The following SEMA6D variants were observed in gnomAD, a reference collection of about 807,000 sequenced individuals.
The protein encoded by SEMA6D is semaphorin 6D.
Under a neutral mutation model 106.6 loss-of-function variants are expected in SEMA6D, and 35 were observed. The ratio of observed to expected loss-of-function variants is 0.33; its 90% CI spans 0.25 to 0.44. The LOEUF is 0.44. Among genes scored for constraint, SEMA6D ranks in the 20% least tolerant of loss-of-function variants. SEMA6D has a pLI of 1.00. For missense variants in SEMA6D, 1,185 were observed against 1,345.9 expected, an observed-to-expected ratio of 0.88 and a Z score of 1.87; for synonymous variants, 499 against 487.7, an observed-to-expected ratio of 1.02 and a Z score of -0.31.
intron 3 of SEMA6D, among the ~76,000 whole-genome samples, chr15:47,490,095 C>T (rs1356989205): frequency 6.6e-6 from 1 of 152,130 alleles, no homozygotes; most frequent in Non-Finnish European, 1.5e-5. Context: ...ACATTTTTTG[C>T]TGTCTGTGTC....
intron 1 of SEMA6D, among the ~76,000 whole-genome samples, chr15:47,227,542 TTC>T (rs1307756146): frequency 2.4e-5 from 3 of 122,796 alleles, no homozygotes; most frequent in Non-Finnish European, 1.7e-5. Context: ...TTTCTCCTCT[TTC>T]TCTCTCTCTG....
intron 4 of SEMA6D, among the ~76,000 whole-genome samples, chr15:47,655,495 A>G (rs1442252163): frequency 2.6e-5 from 4 of 152,262 alleles, no homozygotes; most frequent in Non-Finnish European, 5.9e-5. Context: ...GTCTTAAATA[A>G]GACCACAAGA....
chr15:47,616,632 T>A (rs527251913), intron 4 of SEMA6D, among the ~76,000 whole-genome samples: 29 of 151,514 alleles, frequency 1.9e-4, no homozygotes, highest in Admixed American at 7.9e-4. Flanking sequence ...AGTGTGTAGG[T>A]ATTTATGTGG....
intron 1 of SEMA6D, among the ~76,000 whole-genome samples, chr15:47,403,850 C>G (rs1252594880): frequency 6.6e-6 from 1 of 152,142 alleles, no homozygotes; most frequent in Non-Finnish European, 1.5e-5. Context: ...TTCACTCTGT[C>G]TTTCTGGAGT....
At chr15:47,407,442 A>C (rs2040631700) in intron 1 of SEMA6D, among the ~76,000 whole-genome samples, 1 of 151,646 alleles carries the variant, frequency 6.6e-6, no homozygotes, top group African/African-American at 2.4e-5. Flanking sequence ...AAAAATACTT[A>C]ATAAAGTGAA....
chr15:47,293,671 A>G (rs1321154107), intron 1 of SEMA6D, among the ~76,000 whole-genome samples: 3 of 152,246 alleles, frequency 2.0e-5, no homozygotes, highest in Non-Finnish European at 4.4e-5. Flanking sequence ...TGTTTAGTCT[A>G]TGATGGCAGT....
At chr15:47,473,583 CT>C (rs2042916615) in intron 3 of SEMA6D, among the ~76,000 whole-genome samples, 1 of 152,148 alleles carries the variant, frequency 6.6e-6, no homozygotes, top group South Asian at 2.1e-4. Flanking sequence ...CATTATGCCT[CT>C]TCATAAAGTA....
chr15:47,606,605 A>G (rs1330605956), intron 4 of SEMA6D, among the ~76,000 whole-genome samples: 1 of 152,228 alleles, frequency 6.6e-6, no homozygotes, highest in African/African-American at 2.4e-5. Context: ...ACCAAGAGGC[A>G]GGAATCATTG....
At chr15:47,715,961 T>A (rs2079103599), upstream of SEMA6D, among the ~76,000 whole-genome samples, 1 of 152,152 alleles carries the variant, frequency 6.6e-6, no homozygotes, top group Non-Finnish European at 1.5e-5. Context: ...AAATACAGAA[T>A]AACTGGACGC....
intron 4 of SEMA6D, among the ~76,000 whole-genome samples, chr15:47,637,122 A>G (rs2077403467): frequency 6.6e-6 from 1 of 152,208 alleles, no homozygotes; most frequent in Admixed American, 6.5e-5. Flanking sequence ...ATTTTTGTAC[A>G]TCTTCTCAGC....
intron 4 of SEMA6D, among the ~76,000 whole-genome samples, chr15:47,662,404 A>G (rs1162176473): frequency 6.6e-6 from 1 of 152,222 alleles, no homozygotes; most frequent in Non-Finnish European, 1.5e-5. Context: ...AAACTTCAAA[A>G]TAACCAAGTC....
At position 47,689,835 on chromosome 15, in the gene SEMA6D, A is replaced by G. The variant is rs116093317; in HGVS notation, c.-54-69910A>G. Among the ~76,000 whole-genome samples, 750 of 152,326 alleles carry G rather than the reference A, an allele frequency of 4.9e-3. 4 individuals are homozygous for G. Among genetic ancestry groups the G allele is most frequent in the African/African-American group, 0.017 (707 of 41,590 alleles). ...GAGGACTGACTTCCATGACAGTCTGATGAAATGAGCTTGCCGGGGCACACA... is the reference window on the plus strand; with the variant it reads ...GAGGACTGACTTCCATGACAGTCTGGTGAAATGAGCTTGCCGGGGCACACA... On this transcript the variant is annotated intron_variant, in intron 4 of 19. Transcript: ENST00000558014.
intron 2 of SEMA6D, among the ~76,000 whole-genome samples, chr15:47,438,026 GTGAC>G (rs1022876322): frequency 6.6e-6 from 1 of 152,074 alleles, no homozygotes; most frequent in African/African-American, 2.4e-5. Flanking sequence ...ATTTGGTTGT[GTGAC>G]TGAATTGTTG....
intron 4 of SEMA6D, among the ~76,000 whole-genome samples, chr15:47,623,160 C>T (rs909647783): frequency 6.6e-6 from 1 of 152,140 alleles, no homozygotes; most frequent in African/African-American, 2.4e-5. Context: ...AGAGTTTTGT[C>T]CATGCTTCTT....
At chr15:47,531,675 G>C (rs1044237163) in intron 3 of SEMA6D, among the ~76,000 whole-genome samples, 4 of 152,184 alleles carry the variant, frequency 2.6e-5, no homozygotes. Context: ...TCTCCCCCCA[G>C]ACTCATCCCC....
chr15:47,378,369 G>C (rs541279936), intron 1 of SEMA6D, among the ~76,000 whole-genome samples: 1 of 152,232 alleles, frequency 6.6e-6, no homozygotes, highest in African/African-American at 2.4e-5. Context: ...GGTGGCACGC[G>C]CCTGTAATCC....
intron 3 of SEMA6D, among the ~76,000 whole-genome samples, chr15:47,597,680 C>G (rs73390958): frequency 0.032 from 4,880 of 151,362 alleles, 264 homozygotes; most frequent in African/African-American, 0.11. Context: ...CTCATAGAAG[C>G]AGAGAGTAGA....
chr15:47,469,165 G>A (rs2141140400), intron 2 of SEMA6D, among the ~76,000 whole-genome samples: 1 of 152,318 alleles, frequency 6.6e-6, no homozygotes, highest in East Asian at 1.9e-4. Flanking sequence ...AGTGCAAGGT[G>A]ATGATAAAAA....
At chr15:47,359,821 A>G (rs2038730306) in intron 1 of SEMA6D, 1 of 152,194 alleles carries the variant, frequency 6.6e-6, no homozygotes, top group Non-Finnish European at 1.5e-5. Flanking sequence ...TAGGAATACT[A>G]AAAATTTAGC....
Sources: allele counts gnomAD v4.1 joint callset (sites outside exome capture counted in the v4.1 genomes callset), GRCh38; gene constraint gnomAD v4.1.1; transcripts MANE v1.5; gene names NCBI Gene and HGNC (gene_info 2026-07-23, HGNC 2026-07-21).